Variants in SDR42E2 observed in about 807,000 individuals in gnomAD.
SDR42E2 encodes putative short-chain dehydrogenase/reductase family 42E member 2.
In SDR42E2, 20 loss-of-function variants were observed where a neutral mutation model predicts 10.5. The ratio of observed to expected loss-of-function variants is 1.90; its 90% CI spans 1.34 to 2.77. SDR42E2 has a LOEUF of 2.77. Ranked by LOEUF, SDR42E2 falls within the 30% of genes most tolerant of loss-of-function variation. SDR42E2 has a pLI of 0.00. For missense variants in SDR42E2, 162 were observed against 104.2 expected, an observed-to-expected ratio of 1.55 and a Z score of -2.42; for synonymous variants, 72 against 39.2, an observed-to-expected ratio of 1.84 and a Z score of -3.12.
rs565658157 is a variant in SDR42E2, at chr16:22,166,384, G to A, written c.190G>A (p.Asp64Asn). The change falls in exon 3 of 13, where the codon GAC (aspartate) becomes AAC (asparagine). Residue 64 changes from aspartate to asparagine, a missense_variant. Physicochemically the swap from Asp to Asn is conservative, Grantham distance 23 (BLOSUM62 1). Coordinates refer to ENST00000602312, the MANE Select transcript of SDR42E2 (RefSeq NM_001394319.2). ...GAGCGGCACTTCCGTCATTCTGCTT[G>A]ACCGCCGCAGACCCCAGTGGGAACT... ...AKSGTSVILL[D>N]RRRPQWELSP... The A allele has an allele frequency of 5.0e-6, 2 of 402,642 alleles. No homozygotes were observed. Among genetic ancestry groups the A allele is most frequent in the Non-Finnish European group, 8.8e-6 (2 of 227,302 alleles). The allele number at this position is 402,642 out of a possible 1,614,324, so 24.9% of individuals were successfully genotyped here. A position where few individuals can be genotyped will look rare whatever the true frequency, so the allele number is the denominator to read the frequency against.
At chr16:22,183,453 G>T (rs2142079076) in intron 10 of SDR42E2, among the ~76,000 whole-genome samples, 1 of 152,288 alleles carries the variant, frequency 6.6e-6, no homozygotes, top group East Asian at 1.9e-4. Flanking sequence ...GCATGTGGAA[G>T]AGACAAAAGC....
rs144224896 is a variant in SDR42E2 at position 22,180,772 on chromosome 16, C to T, written c.673-747C>T. Among the ~76,000 whole-genome samples the T allele has an allele frequency of 7.6e-4, 116 of 152,150 alleles. No homozygotes were observed. The East Asian group carries it at 0.016, about 21-fold the overall frequency. On this transcript the variant is annotated intron_variant, in intron 8 of 12. Coordinates refer to ENST00000602312, the MANE Select transcript of SDR42E2 (RefSeq NM_001394319.2). ...CTATAATCCCAGCACTTTGGGAGGC[C>T]GAGATGGGTGGATCACCTGAGGTCA...
In SDR42E2 at chr16:22,166,343, G is replaced by T. The variant is rs1345109257; in HGVS notation, c.149G>T (p.Gly50Val). The change falls in exon 3 of 13, where the codon GGA becomes GTA. Residue 50 changes from glycine (G) to valine (V), a missense_variant. Coordinates refer to ENST00000602312, the MANE Select transcript of SDR42E2 (RefSeq NM_001394319.2). ...GGAGGCTACCTGGGCTTCAGCCTGG[G>T]ATCCCACCTAGCCAAGAGCGGCACT... is the stretch of plus-strand genomic sequence containing the variant. ...GGGGYLGFSL[G>V]SHLAKSGTSV... 5.0e-6 allele frequency: 2 copies of T among 402,712 alleles called. No individual in the cohort carries two copies. Among genetic ancestry groups the T allele is most frequent in the Non-Finnish European group, 8.8e-6 (2 of 227,404 alleles). The allele number at this position is 402,712 out of a possible 1,614,324, so 24.9% of individuals were successfully genotyped here. A position where few individuals can be genotyped will look rare whatever the true frequency, so the allele number is the denominator to read the frequency against.
At chr16:22,182,575 T>G (rs2046704593) in intron 10 of SDR42E2, among the ~76,000 whole-genome samples, 1 of 151,078 alleles carries the variant, frequency 6.6e-6, no homozygotes, top group African/African-American at 2.4e-5. Flanking sequence ...CTCAAACCCC[T>G]GACCTCAAGT....
intron 11 of SDR42E2, 136 bp downstream of exon 11, chr16:22,184,380 T>C (rs1238078736): frequency 5.3e-6 from 2 of 376,716 alleles, no homozygotes; most frequent in Non-Finnish European, 9.4e-6. Flanking sequence ...GGCAGGCAGA[T>C]CACCTGAGAT....
intron 5 of SDR42E2, among the ~76,000 whole-genome samples, chr16:22,170,302 C>T (rs2046586869): frequency 6.6e-6 from 1 of 152,006 alleles, no homozygotes; most frequent in African/African-American, 2.4e-5. Flanking sequence ...TGTGGTGAGC[C>T]GAGATCGCGC....
At chr16:22,182,771 G>A (rs921873406) in intron 10 of SDR42E2, among the ~76,000 whole-genome samples, 3 of 152,146 alleles carry the variant, frequency 2.0e-5, no homozygotes, top group African/African-American at 4.8e-5. Flanking sequence ...AGGCTAACAC[G>A]GGAGGATCGC....
intron 6 of SDR42E2, 121 bp downstream of exon 6, chr16:22,171,072 G>T: frequency 1.5e-6 from 1 of 661,112 alleles, no homozygotes; most frequent in South Asian, 1.6e-5. Flanking sequence ...GCAGGAAGGG[G>T]CTCCCAAAAC....
chr16:22,183,934 C>CAA (rs60806108), intron 10 of SDR42E2, among the ~76,000 whole-genome samples: 5 of 129,528 alleles, frequency 3.9e-5, no homozygotes, highest in Admixed American at 7.9e-5. Context: ...TGATTCTCTG[C>CAA]AAAAAAAAAA....
rs147870471 is a variant in SDR42E2 at position 22,163,336 on chromosome 16, T to G, written c.-37+772T>G. Among the ~76,000 whole-genome samples the G allele has an allele frequency of 1.2e-3, 179 of 152,232 alleles. 2 individuals carry two copies. Among genetic ancestry groups the G allele is most frequent in the Admixed American group, 2.9e-3 (45 of 15,282 alleles). On this transcript the variant is annotated intron_variant, in intron 1 of 12. Transcript: ENST00000602312. ...GCCTGAGTACAGGAGGAGGGCTCGCTGTGGGGCTGCATCCTCTCCTCTCCC... is the reference window on the plus strand; with the variant it reads ...GCCTGAGTACAGGAGGAGGGCTCGCGGTGGGGCTGCATCCTCTCCTCTCCC...
chr16:22,179,821 A>AAT (rs2046677626), intron 8 of SDR42E2, among the ~76,000 whole-genome samples: 1 of 151,672 alleles, frequency 6.6e-6, no homozygotes, highest in African/African-American at 2.4e-5. Context: ...CTCAAAAAAA[A>AAT]AAAAAAAAAG....
At chr16:22,189,432 T>C (rs1229050914) in intron 12 of SDR42E2, among the ~76,000 whole-genome samples, 2 of 152,126 alleles carry the variant, frequency 1.3e-5, no homozygotes, top group Admixed American at 6.5e-5. Flanking sequence ...ACAGAACAGA[T>C]AGTGCTAGTA....
intron 4 of SDR42E2, among the ~76,000 whole-genome samples, chr16:22,168,240 T>TA (rs2046562101): frequency 4.0e-5 from 6 of 151,860 alleles, no homozygotes; most frequent in African/African-American, 1.4e-4. Flanking sequence ...TATTTAAAAA[T>TA]AATAAAAGTA....
At chr16:22,172,979 C>T (rs1598134850) in intron 7 of SDR42E2, among the ~76,000 whole-genome samples, 1 of 152,220 alleles carries the variant, frequency 6.6e-6, no homozygotes, top group East Asian at 1.9e-4. Flanking sequence ...TGGGGTCTCA[C>T]TATGTCATCC....
At chr16:22,175,382 C>A (rs2046635982) in intron 7 of SDR42E2, among the ~76,000 whole-genome samples, 1 of 151,310 alleles carries the variant, frequency 6.6e-6, no homozygotes, top group Admixed American at 6.6e-5. Flanking sequence ...ATCACCTGAG[C>A]CCAGGGAGGT....
chr16:22,165,439 G>A (rs2046526683), intron 1 of SDR42E2, 108 bp from the exon 2 acceptor site: 1 of 393,250 alleles, frequency 2.5e-6, no homozygotes, highest in South Asian at 1.4e-4. Flanking sequence ...TGGGAACTCA[G>A]AGAATTTCTA....
intron 7 of SDR42E2, 45 bp from the exon 8 acceptor site, chr16:22,178,085 G>C (rs1237514561): frequency 2.9e-6 from 2 of 694,746 alleles, no homozygotes; most frequent in Non-Finnish European, 5.3e-6. Context: ...TCTCCCTGTG[G>C]GCTGCTCCTC....
intron 1 of SDR42E2, among the ~76,000 whole-genome samples, chr16:22,164,286 C>T (rs1033766389): frequency 1.3e-5 from 2 of 152,036 alleles, no homozygotes; most frequent in African/African-American, 2.4e-5. Context: ...GAGCTGGATG[C>T]GGTGGCTCAC....
chr16:22,189,171 C>G lies in SDR42E2; in HGVS notation c.1015-968C>G, dbSNP rs1380378015. Reference sequence around the variant, plus strand: ...AAAAAAGGGACAAATACTGGCCTCTCTCCTCACCCCCCATTAAGCATCCAA... The same window carrying G: ...AAAAAAGGGACAAATACTGGCCTCTGTCCTCACCCCCCATTAAGCATCCAA... On this transcript the variant is annotated intron_variant, in intron 12 of 12. Transcript: ENST00000602312. 3.3e-5 allele frequency among the ~76,000 whole-genome samples: 5 copies of G among 152,294 alleles called. 2 individuals carry two copies. The South Asian group carries it at 1.0e-3, about 32-fold the overall frequency.
Sources: allele counts gnomAD v4.1 joint callset (sites outside exome capture counted in the v4.1 genomes callset), GRCh38; gene constraint gnomAD v4.1.1; transcripts MANE v1.5; gene names NCBI Gene and HGNC (gene_info 2026-07-23, HGNC 2026-07-21).